OFD1: variants seen among roughly 807,000 people sequenced by gnomAD.
OFD1 encodes the protein centriole and centriolar satellite protein OFD1.
Under a neutral mutation model 81.4 loss-of-function variants are expected in OFD1, and 12 were observed. The ratio of observed to expected loss-of-function variants is 0.15; its 90% CI spans 0.09 to 0.24. The LOEUF (loss-of-function observed/expected upper bound fraction) is 0.24, where lower values mean the gene tolerates loss of function less well. Ranked by LOEUF, OFD1 falls within the 10% of genes least tolerant of loss-of-function variation. The pLI, the probability that OFD1 is intolerant of heterozygous loss-of-function variation, is 1.00. For synonymous variants in OFD1, 256 were observed against 263.7 expected, an observed-to-expected ratio of 0.97 and a Z score of 0.28; for missense variants, 685 against 733.9, an observed-to-expected ratio of 0.93 and a Z score of 0.77.
At chrX:13,759,115 A>G (rs952210937) in intron 15 of OFD1, among the ~76,000 whole-genome samples, 1 of 111,862 alleles carries the variant, frequency 8.9e-6, no homozygotes, top group Non-Finnish European at 1.9e-5. Context: ...GAAGGATATT[A>G]AAGTTCAGAT....
At chrX:13,770,526 C>T (rs751859088), downstream of OFD1, among the ~76,000 whole-genome samples, 1 of 112,490 alleles carries the variant, frequency 8.9e-6, no homozygotes, top group Non-Finnish European at 1.9e-5. Flanking sequence ...AGAGAGTCAA[C>T]TGTTAGAACT....
intron 19 of OFD1, among the ~76,000 whole-genome samples, 178 bp from the exon 20 acceptor site, chrX:13,766,949 A>G (rs945794384): frequency 9.0e-6 from 1 of 110,691 alleles, no homozygotes; most frequent in Admixed American, 9.6e-5. Flanking sequence ...CAGTTCAAGG[A>G]GTGGGGTCGG....
intron 13 of OFD1, 144 bp downstream of exon 13, chrX:13,756,911 G>T: frequency 1.9e-6 from 1 of 532,322 alleles, no homozygotes; most frequent in Non-Finnish European, 3.2e-6. Context: ...ATTAAACTCT[G>T]CAAACCTGCC....
At position 13,769,104 on chromosome X, in the gene OFD1, G is replaced by T; in HGVS notation, c.3035G>T (p.Trp1012Leu). Reference sequence around the variant, plus strand: ...TCTCATGAAGAACTAGACGACTCTTGGTAACCATGTTTGCTGCCCAGCTTC... The same window carrying T: ...TCTCATGAAGAACTAGACGACTCTTTGTAACCATGTTTGCTGCCCAGCTTC... ...GFSHEELDDSW is the reference protein window; with the variant it reads ...GFSHEELDDSL The change falls in exon 23 of 23, where the codon TGG (tryptophan) becomes TTG (leucine). Residue 1012 changes from tryptophan to leucine, a missense_variant. Around this residue, in one of 3 missense-constraint regions of OFD1, gnomAD observed 259 missense variants for 254.4 expected, o/e 1.02. Coordinates refer to ENST00000340096, the MANE Select transcript of OFD1 (RefSeq NM_003611.3). 8.4e-7 allele frequency: 1 copy of T among 1,191,599 alleles called. No homozygotes were observed. The highest frequency in any genetic ancestry group is 1.8e-5 in the South Asian group (1 of 56,449).
At chrX:13,768,548 A>C (rs1278316092) in intron 21 of OFD1, among the ~76,000 whole-genome samples, 170 bp from the exon 22 acceptor site, 4 of 112,221 alleles carry the variant, frequency 3.6e-5, no homozygotes, top group Non-Finnish European at 7.5e-5. Context: ...ATGGGTGTTA[A>C]ATGCATACCC....
At chrX:13,757,938 T>C in intron 14 of OFD1, 148 bp downstream of exon 14, 1 of 692,942 alleles carries the variant, frequency 1.4e-6, no homozygotes, top group Admixed American at 3.0e-5. Context: ...CTTTCTCATC[T>C]GAGAAAATTC....
At chrX:13,736,741 A>G (rs2046882702) in intron 3 of OFD1, 63 bp downstream of exon 3, 1 of 891,626 alleles carries the variant, frequency 1.1e-6, no homozygotes, top group Non-Finnish European at 1.6e-6. Context: ...TGCTGACAGT[A>G]AAGTGCTGTA....
chrX:13,756,379 C>T (rs2047712229), intron 12 of OFD1, among the ~76,000 whole-genome samples, 199 bp from the exon 13 acceptor site: 1 of 111,608 alleles, frequency 9.0e-6, no homozygotes, highest in South Asian at 3.7e-4. Flanking sequence ...TGGGATGCGG[C>T]CTATAAAAGT....
chrX:13,766,861 A>G (rs1054553106), intron 19 of OFD1, among the ~76,000 whole-genome samples: 5 of 111,455 alleles, frequency 4.5e-5, no homozygotes, highest in Non-Finnish European at 7.5e-5. Flanking sequence ...GGATGAGAAC[A>G]TGTGACATGG....
chrX:13,760,809 G>A (rs2047899953), intron 16 of OFD1, 89 bp downstream of exon 16: 1 of 1,096,236 alleles, frequency 9.1e-7, no homozygotes, highest in African/African-American at 1.8e-5. Flanking sequence ...GGGTCAGCGG[G>A]CCAGAGTGGC....
Position 13,757,712 on chromosome X carries a change from A to G in OFD1, c.1464A>G (p.Lys488=). The change falls in exon 14 of 23, where the codon AAA becomes AAG. Residue 488 remains lysine (K), a synonymous_variant. Transcript: ENST00000340096. ...ELAVFQKELR[K]AEKAIVVEHE... is the part of the protein sequence containing the mutation. The stretch of plus-strand genomic sequence containing the variant: ...CAGTCTTTCAGAAAGAACTACGGAA[A>G]GCCGAAAAGGCTATAGTGGTTGAGC... The G allele has an allele frequency of 8.3e-7, 1 of 1,211,043 alleles. No individual in the cohort carries two copies. The highest frequency in any genetic ancestry group is 1.7e-5 in the African/African-American group (1 of 57,619).
the OFD1 span, among the ~76,000 whole-genome samples, chrX:13,727,395 C>T: frequency 8.9e-6 from 1 of 112,560 alleles, no homozygotes; most frequent in Admixed American, 9.4e-5. Context: ...TCACAAAAAA[C>T]TGTCTCTCAG....
At chrX:13,767,888 A>AT in intron 20 of OFD1, 166 bp from the exon 21 acceptor site, 1 of 467,329 alleles carries the variant, frequency 2.1e-6, no homozygotes, top group Non-Finnish European at 3.7e-6. Flanking sequence ...TTGAGATGAC[A>AT]TATTTGTCTT....
chrX:13,715,243 C>T, the OFD1 span, among the ~76,000 whole-genome samples: 43 of 112,892 alleles, frequency 3.8e-4, no homozygotes, highest in Non-Finnish European at 6.9e-4. Context: ...GAGGCCAAGG[C>T]GGGTGGATCA....
intron 2 of OFD1, among the ~76,000 whole-genome samples, chrX:13,735,750 T>A (rs2046839268): frequency 8.9e-6 from 1 of 112,282 alleles, no homozygotes; most frequent in Middle Eastern, 4.6e-3. Context: ...TGCTTAATAA[T>A]AGTTTGGGAA....
rs768204172 is a variant in OFD1, at chrX:13,757,147, C to T, written c.1411+380C>T. Among the ~76,000 whole-genome samples, 7 of 112,414 alleles carry T rather than the reference C, an allele frequency of 6.2e-5. No individual in the cohort carries two copies. The South Asian group carries it at 2.6e-3, about 41-fold the overall frequency. On this transcript the variant is annotated intron_variant, in intron 13 of 22. Transcript: ENST00000340096. ...ATTCCCCAGGCCCAAGGAGCGCTAACAGTATGGCCCTGTTACTAGCCCACC... is the reference window on the plus strand; with the variant it reads ...ATTCCCCAGGCCCAAGGAGCGCTAATAGTATGGCCCTGTTACTAGCCCACC...
At chrX:13,723,672 A>G in the OFD1 span, among the ~76,000 whole-genome samples, 4 of 111,322 alleles carry the variant, frequency 3.6e-5, no homozygotes, top group African/African-American at 6.5e-5. Flanking sequence ...TCTCCAAGAG[A>G]GGCTTGGCCC....
chrX:13,769,827 G>A (rs1036731037), downstream of OFD1, among the ~76,000 whole-genome samples: 1 of 111,463 alleles, frequency 9.0e-6, no homozygotes, highest in Non-Finnish European at 1.9e-5. Flanking sequence ...AGCCGAGACC[G>A]GGCCTTCACC....
At chrX:13,763,330 C>G (rs2048007547) in intron 18 of OFD1, among the ~76,000 whole-genome samples, 1 of 112,308 alleles carries the variant, frequency 8.9e-6, no homozygotes, top group African/African-American at 3.2e-5. Context: ...GCCTTGTAAA[C>G]TTCATCTTCA....
Sources: allele counts gnomAD v4.1 joint callset (sites outside exome capture counted in the v4.1 genomes callset), GRCh38; gene constraint gnomAD v4.1.1; regional missense constraint gnomAD v4.1.1; transcripts MANE v1.5; gene names NCBI Gene and HGNC (gene_info 2026-07-23, HGNC 2026-07-21).